The following YLPM1 variants were observed in gnomAD, a reference collection of about 807,000 sequenced individuals.
YLPM1 encodes YLP motif containing 1, also known as YLP motif-containing protein 1.
In YLPM1, 99 loss-of-function variants were observed where a neutral mutation model predicts 230.0. The ratio of observed to expected loss-of-function variants is 0.43; its 90% CI spans 0.37 to 0.51. YLPM1 has a LOEUF of 0.51. Among genes scored for constraint, YLPM1 ranks in the 20% least tolerant of loss-of-function variants. YLPM1 has a pLI of 0.00. For synonymous variants in YLPM1, 984 were observed against 942.5 expected, an observed-to-expected ratio of 1.04 and a Z score of -0.81; for missense variants, 2,592 against 2,707.7, an observed-to-expected ratio of 0.96 and a Z score of 0.95.
At chr14:74,829,149 G>A in intron 18 of YLPM1, 64 bp from the exon 19 acceptor site, 2 of 1,551,134 alleles carry the variant, frequency 1.3e-6, no homozygotes, top group Non-Finnish European at 1.8e-6. Flanking sequence ...CTTTTCCCCT[G>A]TGTGTGTGTC....
At chr14:74,778,115 A>G (rs1214522033) in intron 1 of YLPM1, among the ~76,000 whole-genome samples, 1 of 152,262 alleles carries the variant, frequency 6.6e-6, no homozygotes, top group African/African-American at 2.4e-5. Flanking sequence ...CAGGTTAAAA[A>G]TAAGTAGTTG....
chr14:74,769,259 C>CTTTTTTTTTTTTTTTTTTTT (rs34023289), intron 1 of YLPM1, among the ~76,000 whole-genome samples: 2 of 38,410 alleles, frequency 5.2e-5, no homozygotes, highest in Non-Finnish European at 5.3e-5. Flanking sequence ...GTATTTTTAT[C>CTTTTTTTTTTTTTTTTTTTT]TTTTTTTTTT....
At chr14:74,782,780 AT>A (rs558148204) in intron 4 of YLPM1, among the ~76,000 whole-genome samples, 75 of 152,236 alleles carry the variant, frequency 4.9e-4, no homozygotes, top group African/African-American at 1.8e-3. Context: ...TAGGACTTTT[AT>A]TTTATCCATT....
chr14:74,766,889 T>C (rs1351361383), intron 1 of YLPM1, among the ~76,000 whole-genome samples: 3 of 149,832 alleles, frequency 2.0e-5, no homozygotes, highest in South Asian at 2.1e-4. Context: ...TTTTCTTTTT[T>C]TTTTTTTTTT....
At chr14:74,780,334 A>G (rs1434228038) in intron 2 of YLPM1, 71 bp from the exon 3 acceptor site, 6 of 1,523,238 alleles carry the variant, frequency 3.9e-6, no homozygotes, top group Non-Finnish European at 5.3e-6. Context: ...TGGACTTTAT[A>G]ATACATTTAT....
intron 6 of YLPM1, among the ~76,000 whole-genome samples, chr14:74,803,061 C>T (rs575988769): frequency 6.6e-6 from 1 of 151,716 alleles, no homozygotes; most frequent in African/African-American, 2.4e-5. Flanking sequence ...GAGTTTGACA[C>T]CAGCCTTCGC....
chr14:74,813,986 G>A (rs2091456418), intron 11 of YLPM1, among the ~76,000 whole-genome samples: 1 of 152,156 alleles, frequency 6.6e-6, no homozygotes, highest in African/African-American at 2.4e-5. Context: ...AACCTCCAAT[G>A]CAGTGTTGAA....
rs369996703 is a variant in YLPM1 at position 74,818,206 on chromosome 14, C to T, written c.5947-25C>T. 11 of 1,568,418 alleles carry T rather than the reference C, an allele frequency of 7.0e-6. No individual in the cohort carries two copies. In the African/African-American group the frequency reaches 1.3e-4, roughly 19 times the overall value. ...GTCTTTGAGTAGTTTCTAGAGATAA[C>T]TCAACCATCTGAATTTTTCAATAGA... On this transcript the variant is annotated intron_variant, in intron 15 of 20. Transcript: ENST00000325680.
Position 74,821,157 on chromosome 14 carries a change from C to T in YLPM1, c.6111+20C>T, listed in dbSNP as rs1329550046. ...GAACTGGTAGGAGACAGACCAACCA[C>T]TTTGAACAGTGTCTCTTTATTAAAA... is the stretch of plus-strand genomic sequence containing the variant. On this transcript the variant is annotated intron_variant, in intron 17 of 20. Coordinates refer to ENST00000325680, the MANE Select transcript of YLPM1 (RefSeq NM_019589.3). 6.5e-7 allele frequency: 1 copy of T among 1,530,658 alleles called. No homozygotes were observed. Among genetic ancestry groups the T allele is most frequent in the Non-Finnish European group, 8.8e-7 (1 of 1,138,234 alleles). 94.8% of individuals were successfully genotyped at this position (1,530,658 alleles called of 1,614,324 possible).
intron 11 of YLPM1, among the ~76,000 whole-genome samples, chr14:74,815,789 C>CGATA (rs1185115595): frequency 6.6e-6 from 1 of 151,942 alleles, no homozygotes; most frequent in Non-Finnish European, 1.5e-5. Flanking sequence ...GCATTTATAG[C>CGATA]TATCAATTTC....
intron 4 of YLPM1, among the ~76,000 whole-genome samples, chr14:74,783,477 G>A (rs1397079191): frequency 3.3e-5 from 5 of 152,244 alleles, no homozygotes; most frequent in East Asian, 3.9e-4. Context: ...ACAGAAAAGT[G>A]TAGAAAAAAG....
At position 74,781,471 on chromosome 14, in the gene YLPM1, G is replaced by A. The variant is rs772758368; in HGVS notation, c.1428G>A (p.Gln476=). The A allele has an allele frequency of 6.2e-6, 10 of 1,613,462 alleles. No individual in the cohort carries two copies. The East Asian group carries it at 2.2e-4, about 36-fold the overall frequency. Residue 476 remains glutamine, a synonymous_variant, in exon 4 of 21, where the codon CAG becomes CAA. Coordinates refer to ENST00000325680, the MANE Select transcript of YLPM1 (RefSeq NM_019589.3). The stretch of plus-strand genomic sequence containing the variant: ...CCTATCCTCATAAAGATCAGCTTCA[G>A]GAGTATGAGAAGCAGTGGAAAACAT... ...LHSYPHKDQL[Q]EYEKQWKTWQ...
intron 1 of YLPM1, among the ~76,000 whole-genome samples, chr14:74,772,730 C>T (rs533758566): frequency 1.3e-5 from 2 of 152,260 alleles, no homozygotes; most frequent in Admixed American, 1.3e-4. Flanking sequence ...ATTATGATTT[C>T]CCTCTACCTA....
chr14:74,810,573 A>G lies in YLPM1; in HGVS notation c.5228+153A>G, dbSNP rs543543664. On this transcript the variant is annotated intron_variant, in intron 9 of 20. Transcript: ENST00000325680. ...ACAATTCTGGACCAGTTTTCAGGAA[A>G]GTAGGTCCTTGACTTGGTAGCTTGA... Among the ~76,000 whole-genome samples the G allele has an allele frequency of 2.0e-5, 3 of 152,302 alleles. No individual in the cohort carries two copies. The South Asian group carries it at 6.2e-4, about 32-fold the overall frequency.
chr14:74,824,871 A>G (rs983057298), intron 18 of YLPM1, among the ~76,000 whole-genome samples: 1 of 152,088 alleles, frequency 6.6e-6, no homozygotes, highest in African/African-American at 2.4e-5. Context: ...AGTTTAAATG[A>G]TTGTCTAAAT....
Position 74,834,549 on chromosome 14 carries a change from T to A in YLPM1, c.6295-716T>A, listed in dbSNP as rs182074787. On this transcript the variant is annotated intron_variant, in intron 19 of 20. Coordinates refer to ENST00000325680, the MANE Select transcript of YLPM1 (RefSeq NM_019589.3). ...GACATATCAAAATCCGGAAGTTAAC[T>A]GTGGAAAGCAGTGATTATTTGATTG... 7.9e-4 allele frequency among the ~76,000 whole-genome samples: 121 copies of A among 152,272 alleles called. 1 individual carries two copies. The highest frequency in any genetic ancestry group is 2.8e-3 in the African/African-American group (118 of 41,552).
At chr14:74,828,307 A>G (rs973468475) in intron 18 of YLPM1, among the ~76,000 whole-genome samples, 14 of 152,198 alleles carry the variant, frequency 9.2e-5, no homozygotes, top group Admixed American at 8.5e-4. Flanking sequence ...GTGTGTTTCT[A>G]TAACTTCAGA....
At chr14:74,780,611 G>A in intron 3 of YLPM1, 27 bp downstream of exon 3, 1 of 1,554,868 alleles carries the variant, frequency 6.4e-7, no homozygotes, top group Non-Finnish European at 8.7e-7. Context: ...TCCACAATAG[G>A]AAGTTGCCCC....
At chr14:74,821,768 A>T (rs2091522759) in intron 17 of YLPM1, 1 of 152,286 alleles carries the variant, frequency 6.6e-6, no homozygotes, top group African/African-American at 2.4e-5. Context: ...TTTCCCTGTC[A>T]TTCAAGAATA....
Sources: gnomAD v4.1 joint callset for allele counts (sites outside exome capture counted in the v4.1 genomes callset) on GRCh38, gnomAD v4.1.1 for gene constraint, MANE v1.5 for transcripts, NCBI Gene and HGNC (gene_info 2026-07-23, HGNC 2026-07-21) for gene names.